TFAP2D: variants seen among roughly 807,000 people sequenced by gnomAD.
TFAP2D encodes transcription factor AP-2-delta.
TFAP2D carries 9 observed loss-of-function variants against 43.6 expected under a neutral mutation model. The ratio of observed to expected loss-of-function variants is 0.21; its 90% CI spans 0.12 to 0.36. The LOEUF is 0.36. TFAP2D is among the 10% of genes least tolerant of loss of function. The pLI, the probability that TFAP2D is intolerant of heterozygous loss-of-function variation, is 1.00. For synonymous variants in TFAP2D, 256 were observed against 224.9 expected (o/e 1.14, Z -1.24); for missense variants, 513 against 561.4 (o/e 0.91, Z 0.87).
In TFAP2D at chr6:50,729,340, T is replaced by C. The variant is rs777776277; in HGVS notation, c.883+28T>C. 6 of 1,585,984 alleles carry C rather than the reference T, an allele frequency of 3.8e-6. 1 individual carries two copies. The South Asian group carries it at 4.4e-5, about 12-fold the overall frequency. ...ATGACTTTTCAGTTTAGCAAAATAATGCTGGAAGGTTGGCGTGTCTTTGAA... is the reference window on the plus strand; with the variant it reads ...ATGACTTTTCAGTTTAGCAAAATAACGCTGGAAGGTTGGCGTGTCTTTGAA... On this transcript the variant is annotated intron_variant, in intron 5 of 7. Coordinates refer to ENST00000008391, the MANE Select transcript of TFAP2D (RefSeq NM_172238.4).
chr6:50,733,699 T>C (rs1768924240), intron 5 of TFAP2D, among the ~76,000 whole-genome samples: 1 of 152,128 alleles, frequency 6.6e-6, no homozygotes, highest in African/African-American at 2.4e-5. Context: ...TTCAAATAAA[T>C]ACAAGGAGTC....
intron 3 of TFAP2D, among the ~76,000 whole-genome samples, chr6:50,719,493 GAA>G: frequency 7.3e-6 from 1 of 136,246 alleles, no homozygotes; most frequent in African/African-American, 2.6e-5. Context: ...AAGAAAGAAA[GAA>G]AGAAAGAAGT....
Position 50,758,780 on chromosome 6 carries a change from C to A in TFAP2D, c.1139+7456C>A, listed in dbSNP as rs896411069. Among the ~76,000 whole-genome samples, 3 of 151,936 alleles carry A rather than the reference C, an allele frequency of 2.0e-5. No homozygotes were observed. The Admixed American group carries it at 2.0e-4, about 10-fold the overall frequency. The stretch of plus-strand genomic sequence containing the variant: ...CGGGCAGTTTTCTTCACCAAGCATT[C>A]TTTAGTGTGAGAAAAGAAACAATGA... On this transcript the variant is annotated intron_variant, in intron 7 of 7. Coordinates refer to ENST00000008391, the MANE Select transcript of TFAP2D (RefSeq NM_172238.4).
chr6:50,754,331 T>C (rs958027940), intron 7 of TFAP2D, among the ~76,000 whole-genome samples: 1 of 151,588 alleles, frequency 6.6e-6, no homozygotes, highest in Non-Finnish European at 1.5e-5. Flanking sequence ...GCACAATATT[T>C]CTGTGTGTGT....
At chr6:50,721,481 T>TCCCTGTTATCCC (rs1354079350) in intron 3 of TFAP2D, among the ~76,000 whole-genome samples, 1 of 152,196 alleles carries the variant, frequency 6.6e-6, no homozygotes, top group African/African-American at 2.4e-5. Context: ...GGGAAGTGTA[T>TCCCTGTTATCCC]TCCCAAAAGA....
chr6:50,751,383 A>T, intron 7 of TFAP2D, 59 bp downstream of exon 7: 4 of 1,165,124 alleles, frequency 3.4e-6, no homozygotes, highest in Non-Finnish European at 5.1e-6. Context: ...TTGTATTCCT[A>T]TCACAGTTCT....
intron 7 of TFAP2D, among the ~76,000 whole-genome samples, chr6:50,759,681 G>T (rs1303757355): frequency 2.0e-5 from 3 of 151,970 alleles, no homozygotes; most frequent in African/African-American, 7.2e-5. Flanking sequence ...TATGGTGCAG[G>T]CATCAAATGT....
chr6:50,715,838 C>A (rs1768617717), intron 2 of TFAP2D, among the ~76,000 whole-genome samples: 1 of 151,952 alleles, frequency 6.6e-6, no homozygotes, highest in Non-Finnish European at 1.5e-5. Flanking sequence ...CTCTTCCTCT[C>A]ATTGGATCCA....
intron 7 of TFAP2D, among the ~76,000 whole-genome samples, chr6:50,762,196 T>C (rs998140952): frequency 1.3e-5 from 2 of 152,120 alleles, no homozygotes; most frequent in Non-Finnish European, 2.9e-5. Context: ...TCAGTTTCTA[T>C]AGTTTTGACA....
At chr6:50,724,233 CA>C (rs918000770) in intron 3 of TFAP2D, among the ~76,000 whole-genome samples, 1 of 151,934 alleles carries the variant, frequency 6.6e-6, no homozygotes, top group Non-Finnish European at 1.5e-5. Context: ...AACCGCAGAA[CA>C]AACAGGGACA....
chr6:50,759,047 T>C (rs1361006250), intron 7 of TFAP2D, among the ~76,000 whole-genome samples: 2 of 152,138 alleles, frequency 1.3e-5, no homozygotes, highest in East Asian at 3.9e-4. Context: ...CATAAGAGAC[T>C]AGTGGTTAAA....
chr6:50,714,348 AATC>A (rs921172879), intron 1 of TFAP2D, among the ~76,000 whole-genome samples: 4 of 152,112 alleles, frequency 2.6e-5, no homozygotes, highest in African/African-American at 7.2e-5. Flanking sequence ...GGGAAAACAT[AATC>A]TTAATAATAA....
At chr6:50,771,113 T>A (rs1769522630) in intron 7 of TFAP2D, among the ~76,000 whole-genome samples, 1 of 152,232 alleles carries the variant, frequency 6.6e-6, no homozygotes, top group Non-Finnish European at 1.5e-5. Context: ...ATGCTGAGGT[T>A]ACCATAACAT....
chr6:50,758,816 A>G (rs2113890869), intron 7 of TFAP2D, among the ~76,000 whole-genome samples: 1 of 152,152 alleles, frequency 6.6e-6, no homozygotes, highest in African/African-American at 2.4e-5. Context: ...AATTTCAATT[A>G]AATCTGTAAT....
At chr6:50,754,332 CTG>C (rs147223872) in intron 7 of TFAP2D, among the ~76,000 whole-genome samples, 2 of 151,364 alleles carry the variant, frequency 1.3e-5, no homozygotes, top group Admixed American at 6.6e-5. Context: ...CACAATATTT[CTG>C]TGTGTGTGTA....
intron 2 of TFAP2D, among the ~76,000 whole-genome samples, chr6:50,716,002 A>G (rs1379254648): frequency 6.6e-6 from 1 of 152,090 alleles, no homozygotes; most frequent in East Asian, 1.9e-4. Flanking sequence ...CCGGACTCAG[A>G]GTAAGATCCA....
chr6:50,735,129 G>T (rs1354456131), intron 5 of TFAP2D, among the ~76,000 whole-genome samples: 2 of 152,026 alleles, frequency 1.3e-5, no homozygotes, highest in South Asian at 2.1e-4. Flanking sequence ...TTACCATAGT[G>T]CCCAGAATAA....
At chr6:50,724,848 A>T (rs1473355644) in intron 3 of TFAP2D, among the ~76,000 whole-genome samples, 5 of 151,882 alleles carry the variant, frequency 3.3e-5, no homozygotes, top group Non-Finnish European at 5.9e-5. Flanking sequence ...TGTTTTTTTA[A>T]AAAAAAGTGG....
intron 5 of TFAP2D, among the ~76,000 whole-genome samples, chr6:50,735,087 G>C (rs888220120): frequency 6.6e-6 from 1 of 152,084 alleles, no homozygotes; most frequent in African/African-American, 2.4e-5. Flanking sequence ...TAAGATTGTT[G>C]CAAGGGTTAA....
Sources: gnomAD v4.1 joint callset for allele counts (sites outside exome capture counted in the v4.1 genomes callset) on GRCh38, gnomAD v4.1.1 for gene constraint, MANE v1.5 for transcripts, NCBI Gene and HGNC (gene_info 2026-07-23, HGNC 2026-07-21) for gene names.